The following PTPN4 variants were observed in gnomAD, a reference collection of about 807,000 sequenced individuals.
PTPN4 encodes protein tyrosine phosphatase non-receptor type 4.
PTPN4 carries 49 observed loss-of-function variants against 135.5 expected under a neutral mutation model. The ratio of observed to expected loss-of-function variants is 0.36; its 90% CI spans 0.29 to 0.46. The LOEUF (loss-of-function observed/expected upper bound fraction) is 0.46. Among genes scored for constraint, PTPN4 ranks in the 20% least tolerant of loss-of-function variants. PTPN4 has a pLI of 1.00. For missense variants in PTPN4, 860 were observed against 1,101.0 expected (o/e 0.78, Z 3.10); for synonymous variants, 333 against 369.9 (o/e 0.90, Z 1.14).
chr2:119,967,859 G>A lies in PTPN4; in HGVS notation c.2581G>A (p.Val861Ile). 1 of 1,607,344 alleles carries A rather than the reference G, an allele frequency of 6.2e-7. No individual in the cohort carries two copies. Among genetic ancestry groups the A allele is most frequent in the Non-Finnish European group, 8.5e-7 (1 of 1,175,798 alleles). ...TAGTGCTGGAATCGGAAGAACTGGG[G>A]TTCTTATTACTATGGAAACAGCCAT... The part of the protein sequence containing the change: ...HCSAGIGRTG[V>I]LITMETAMCL... Residue 861 changes from valine to isoleucine, a missense_variant, in exon 26 of 27, where the codon GTT (valine) becomes ATT (isoleucine). By Grantham distance (29) the Val-to-Ile change is conservative. This residue lies in a region of PTPN4 where 176 missense variants were observed against 294.1 expected (regional missense o/e 0.60). Transcript: ENST00000263708.
At chr2:119,925,171 A>T (rs1310210725) in intron 12 of PTPN4, among the ~76,000 whole-genome samples, 1 of 152,148 alleles carries the variant, frequency 6.6e-6, no homozygotes, top group Non-Finnish European at 1.5e-5. Flanking sequence ...CTTTCTCACT[A>T]TACCCTATCC....
At chr2:119,907,122 C>A (rs977298002) in intron 10 of PTPN4, among the ~76,000 whole-genome samples, 3 of 151,992 alleles carry the variant, frequency 2.0e-5, no homozygotes, top group Non-Finnish European at 4.4e-5. Context: ...ACAAAAACTA[C>A]AAAACACTGA....
Position 119,860,716 on chromosome 2 carries a change from G to C in PTPN4, c.139-1820G>C, listed in dbSNP as rs554771593. On this transcript the variant is annotated intron_variant, in intron 2 of 26. Coordinates refer to ENST00000263708, the MANE Select transcript of PTPN4 (RefSeq NM_002830.4). Reference sequence around the variant, plus strand: ...ATATCCATTTTCTGTTGCTATAACAGAATACCTGAGACTGGGTAATTTATT... The same window carrying C: ...ATATCCATTTTCTGTTGCTATAACACAATACCTGAGACTGGGTAATTTATT... Among the ~76,000 whole-genome samples, 18 of 152,260 alleles carry C rather than the reference G, an allele frequency of 1.2e-4. No homozygotes were observed. The South Asian group carries it at 3.7e-3, about 32-fold the overall frequency.
intron 10 of PTPN4, among the ~76,000 whole-genome samples, chr2:119,903,828 G>A (rs1027826885): frequency 3.3e-5 from 5 of 152,076 alleles, no homozygotes; most frequent in African/African-American, 1.2e-4. Context: ...AGCCTACCTG[G>A]CATTTCCATC....
At chr2:119,825,235 T>C (rs1677129819) in intron 2 of PTPN4, among the ~76,000 whole-genome samples, 1 of 152,206 alleles carries the variant, frequency 6.6e-6, no homozygotes, top group African/African-American at 2.4e-5. Context: ...CTTTTTTTTA[T>C]ATATCCAGAT....
At chr2:119,807,190 A>G (rs1691488447) in intron 1 of PTPN4, among the ~76,000 whole-genome samples, 1 of 152,204 alleles carries the variant, frequency 6.6e-6, no homozygotes, top group African/African-American at 2.4e-5. Context: ...GAGCAAACAC[A>G]TTCAAAAGCT....
At chr2:119,815,486 TAAC>T (rs1676970533) in intron 2 of PTPN4, among the ~76,000 whole-genome samples, 1 of 152,220 alleles carries the variant, frequency 6.6e-6, no homozygotes, top group South Asian at 2.1e-4. Context: ...TGTGCATATA[TAAC>T]GTTTTCATCC....
chr2:119,844,284 C>T (rs1316065203), intron 2 of PTPN4, among the ~76,000 whole-genome samples: 189 of 113,818 alleles, frequency 1.7e-3, no homozygotes, highest in Middle Eastern at 5.3e-3. Context: ...GGAGGGCTCA[C>T]CCCCCCACCT....
intron 2 of PTPN4, among the ~76,000 whole-genome samples, chr2:119,822,791 AT>A (rs2104957209): frequency 6.6e-6 from 1 of 152,128 alleles, no homozygotes; most frequent in East Asian, 1.9e-4. Context: ...AGGTAAACAC[AT>A]TTTCAGTCCA....
At chr2:119,855,486 T>A (rs192926369) in intron 2 of PTPN4, among the ~76,000 whole-genome samples, 2 of 152,332 alleles carry the variant, frequency 1.3e-5, no homozygotes, top group African/African-American at 2.4e-5. Flanking sequence ...ATTTTTCTCA[T>A]ATCTTAGAAG....
rs114322297 is a variant in PTPN4 at position 119,808,957 on chromosome 2, A to G, written c.-17-880A>G. Among the ~76,000 whole-genome samples, 775 of 152,274 alleles carry G rather than the reference A, an allele frequency of 5.1e-3. 4 individuals carry two copies. The highest frequency in any genetic ancestry group is 0.018 in the African/African-American group (741 of 41,542). The stretch of plus-strand genomic sequence containing the variant: ...TCATACTGCTTACTACTTATTGCTT[A>G]CTCATTCAAACATCCCAAATACTAG... On this transcript the variant is annotated intron_variant, in intron 1 of 26. Transcript: ENST00000263708.
chr2:119,966,425 T>G (rs1302651409), intron 25 of PTPN4, among the ~76,000 whole-genome samples: 1 of 151,974 alleles, frequency 6.6e-6, no homozygotes, highest in East Asian at 1.9e-4. Flanking sequence ...CCTGGCTAAT[T>G]TTTGTATTTT....
chr2:119,932,310 CTCTT>C (rs1678918792), intron 13 of PTPN4, 110 bp from the exon 14 acceptor site: 1 of 1,055,948 alleles, frequency 9.5e-7, no homozygotes, highest in Admixed American at 3.0e-5. Flanking sequence ...TACAAGTAAA[CTCTT>C]TATGTTGCTC....
In PTPN4 at chr2:119,977,149, A is replaced by G; in HGVS notation, c.*79A>G. On this transcript the variant is annotated 3_prime_UTR_variant, in exon 27 of 27. Transcript: ENST00000263708. ...CTGTGCCATAATGCTGCTCGCAGGA[A>G]ATGGCATTTTACAAAAAAAAAATGA... 1.4e-6 allele frequency: 2 copies of G among 1,396,840 alleles called. No homozygotes were observed. Among genetic ancestry groups the G allele is most frequent in the South Asian group, 3.7e-5 (2 of 54,644 alleles). 86.5% of individuals were successfully genotyped at this position (1,396,840 alleles called of 1,614,324 possible).
intron 10 of PTPN4, among the ~76,000 whole-genome samples, chr2:119,910,145 A>G (rs937940411): frequency 5.9e-5 from 9 of 152,082 alleles, no homozygotes; most frequent in African/African-American, 2.2e-4. Context: ...GCATTTGGCA[A>G]TGTGGTCTTG....
intron 2 of PTPN4, among the ~76,000 whole-genome samples, chr2:119,825,727 C>G (rs1199117874): frequency 6.6e-6 from 1 of 152,024 alleles, no homozygotes; most frequent in Non-Finnish European, 1.5e-5. Flanking sequence ...AACTCCTGAC[C>G]TCAAGAGATC....
intron 10 of PTPN4, among the ~76,000 whole-genome samples, chr2:119,908,098 G>A (rs1303627163): frequency 6.6e-6 from 1 of 152,092 alleles, no homozygotes; most frequent in Non-Finnish European, 1.5e-5. Context: ...ATAGTCAAAT[G>A]GGACTATCAA....
chr2:119,813,210 A>G (rs181778480), intron 2 of PTPN4, among the ~76,000 whole-genome samples: 404 of 151,610 alleles, frequency 2.7e-3, no homozygotes, highest in Middle Eastern at 3.4e-3. Flanking sequence ...ACCTCTTGAT[A>G]TCCTGGACTT....
chr2:119,819,865 T>G (rs1395618564), intron 2 of PTPN4, among the ~76,000 whole-genome samples: 1 of 152,254 alleles, frequency 6.6e-6, no homozygotes, highest in Non-Finnish European at 1.5e-5. Context: ...CTGTTGTTTT[T>G]TTTGTTTTGT....
Sources: gnomAD v4.1 joint callset for allele counts (sites outside exome capture counted in the v4.1 genomes callset) on GRCh38, gnomAD v4.1.1 for gene constraint, gnomAD v4.1.1 regional missense constraint, MANE v1.5 for transcripts, NCBI Gene and HGNC (gene_info 2026-07-23, HGNC 2026-07-21) for gene names.